The following RANBP2 variants were observed in gnomAD, a reference collection of about 807,000 sequenced individuals.
RANBP2 encodes the protein E3 SUMO-protein ligase RanBP2.
RANBP2 carries 57 observed loss-of-function variants against 303.6 expected under a neutral mutation model. The observed-to-expected ratio is 0.19, with a 90% CI of 0.15 to 0.23. RANBP2 has a LOEUF of 0.23. Ranked by LOEUF, RANBP2 falls within the 10% of genes least tolerant of loss-of-function variation. The pLI, the probability that RANBP2 is intolerant of heterozygous loss-of-function variation, is 1.00. For synonymous variants in RANBP2, 1,167 were observed against 1,301.5 expected (o/e 0.90, Z 2.23); for missense variants, 3,138 against 3,780.8 (o/e 0.83, Z 4.46).
the RANBP2 span, chr2:109,129,505 A>C: frequency 1.3e-6 from 2 of 1,495,256 alleles, no homozygotes; most frequent in Admixed American, 2.1e-5. Flanking sequence ...CCCGGGACCT[A>C]GGCAGCCGCG....
At chr2:109,717,272 CAAA>C in the RANBP2 span, among the ~76,000 whole-genome samples, 61 of 124,774 alleles carry the variant, frequency 4.9e-4, no homozygotes, top group Middle Eastern at 4.7e-3. Flanking sequence ...AAAAACAAAC[CAAA>C]AAAAAAAAAA....
At chr2:108,839,078 T>C in the RANBP2 span, 2 of 1,191,968 alleles carry the variant, frequency 1.7e-6, no homozygotes, top group Non-Finnish European at 2.3e-6. Flanking sequence ...GAGAACTCTT[T>C]TGTTTTGTTT....
the RANBP2 span, among the ~76,000 whole-genome samples, chr2:109,717,986 T>C: frequency 1.1e-4 from 16 of 152,238 alleles, no homozygotes; most frequent in African/African-American, 3.4e-4. Flanking sequence ...TACCTAAACA[T>C]AAATTTAACA....
the RANBP2 span, among the ~76,000 whole-genome samples, chr2:109,488,520 A>G: frequency 6.6e-6 from 1 of 152,086 alleles, no homozygotes; most frequent in Non-Finnish European, 1.5e-5. Context: ...CCCTGCCTAC[A>G]TCGTGGCCTG....
At chr2:108,772,060 A>C (rs1677542155) in intron 21 of RANBP2, among the ~76,000 whole-genome samples, 189 bp downstream of exon 21, 1 of 152,238 alleles carries the variant, frequency 6.6e-6, no homozygotes, top group Non-Finnish European at 1.5e-5. Flanking sequence ...ATCATTAAGC[A>C]AGCATTTTTT....
the RANBP2 span, among the ~76,000 whole-genome samples, chr2:109,027,635 G>A: frequency 1.2e-4 from 18 of 152,244 alleles, no homozygotes; most frequent in Admixed American, 4.6e-4. Flanking sequence ...GGGCACTGAC[G>A]TGGACAAAGT....
chr2:109,700,889 A>G, the RANBP2 span, among the ~76,000 whole-genome samples: 1 of 152,106 alleles, frequency 6.6e-6, no homozygotes, highest in African/African-American at 2.4e-5. Context: ...GCCTAGCAAC[A>G]GGTGGGAAGG....
At chr2:109,230,490 G>T in the RANBP2 span, among the ~76,000 whole-genome samples, 1 of 152,174 alleles carries the variant, frequency 6.6e-6, no homozygotes, top group Non-Finnish European at 1.5e-5. Flanking sequence ...TGAGGCAGGA[G>T]AATTGCTTGA....
the RANBP2 span, among the ~76,000 whole-genome samples, chr2:109,060,224 G>A: frequency 1.3e-5 from 2 of 152,086 alleles, no homozygotes; most frequent in Non-Finnish European, 2.9e-5. Flanking sequence ...GAAAGAATAT[G>A]GAGAATTTAA....
At chr2:108,985,181 C>T in the RANBP2 span, among the ~76,000 whole-genome samples, 1 of 152,166 alleles carries the variant, frequency 6.6e-6, no homozygotes, top group East Asian at 1.9e-4. Context: ...TTTTAGTTGC[C>T]TATATCTAGC....
chr2:109,289,060 T>C, the RANBP2 span, among the ~76,000 whole-genome samples: 1 of 152,182 alleles, frequency 6.6e-6, no homozygotes, highest in Non-Finnish European at 1.5e-5. Flanking sequence ...GTTCCTGGAA[T>C]AGGTGCTAAA....
the RANBP2 span, among the ~76,000 whole-genome samples, chr2:108,798,030 G>A: frequency 1.3e-5 from 2 of 151,020 alleles, no homozygotes; most frequent in Non-Finnish European, 2.9e-5. Flanking sequence ...TGATCAGTGT[G>A]CTAATCTAGA....
the RANBP2 span, chr2:109,564,649 G>A: frequency 2.3e-6 from 2 of 885,226 alleles, no homozygotes; most frequent in South Asian, 3.4e-5. Context: ...AATAGCAAAT[G>A]ATCAGTTTGA....
chr2:109,054,696 C>CA, the RANBP2 span, among the ~76,000 whole-genome samples: 4,187 of 57,334 alleles, frequency 0.073, 150 homozygotes, highest in African/African-American at 0.15. Flanking sequence ...GACTCCGTCT[C>CA]AAAAAAAAAA....
the RANBP2 span, among the ~76,000 whole-genome samples, chr2:109,054,054 C>T: frequency 2.0e-5 from 3 of 152,198 alleles, no homozygotes; most frequent in Admixed American, 6.5e-5. Flanking sequence ...ACCTGGGCGG[C>T]TCTGCAAGGC....
the RANBP2 span, among the ~76,000 whole-genome samples, chr2:109,542,193 T>A: frequency 3.9e-5 from 6 of 152,348 alleles, no homozygotes; most frequent in South Asian, 8.3e-4. Flanking sequence ...GATGATAAAT[T>A]AGCTTTGTAA....
chr2:109,707,183 C>T, the RANBP2 span, among the ~76,000 whole-genome samples: 1 of 152,160 alleles, frequency 6.6e-6, no homozygotes, highest in East Asian at 1.9e-4. Context: ...TAGTAACCCC[C>T]TTGCAGGAAA....
chr2:108,790,539 A>G (rs1311791418), downstream of RANBP2, among the ~76,000 whole-genome samples: 1 of 152,088 alleles, frequency 6.6e-6, no homozygotes, highest in East Asian at 1.9e-4. Flanking sequence ...AAGACTTAGC[A>G]TAGATAACAA....
chr2:109,615,604 A>G, the RANBP2 span: 1 of 1,613,708 alleles, frequency 6.2e-7, no homozygotes, highest in Non-Finnish European at 8.5e-7. Flanking sequence ...GACATCAGGG[A>G]CTACAGTGGG....
Sources: gnomAD v4.1 joint callset for allele counts (sites outside exome capture counted in the v4.1 genomes callset) on GRCh38, gnomAD v4.1.1 for gene constraint, MANE v1.5 for transcripts, NCBI Gene and HGNC (gene_info 2026-07-23, HGNC 2026-07-21) for gene names.